PCDHA1: variants seen among roughly 807,000 people sequenced by gnomAD.
The protein encoded by PCDHA1 is protocadherin alpha 1, also known as protocadherin alpha-1.
PCDHA1 carries 42 observed loss-of-function variants against 61.3 expected under a neutral mutation model. That is an observed-to-expected ratio of 0.69 (90% CI 0.54 to 0.89). The LOEUF (loss-of-function observed/expected upper bound fraction) is 0.89, where lower values mean the gene tolerates loss of function less well. Among genes scored for constraint, PCDHA1 ranks in the 40% least tolerant of loss-of-function variants. The pLI, the probability that PCDHA1 is intolerant of heterozygous loss-of-function variation, is 0.00. For synonymous variants in PCDHA1, 610 were observed against 553.8 expected (o/e 1.10, Z -1.43); for missense variants, 1,256 against 1,235.3 (o/e 1.02, Z -0.25).
intron 1 of PCDHA1, chr5:140,823,428 G>A (rs1428807001): frequency 1.2e-6 from 2 of 1,613,204 alleles, no homozygotes; most frequent in East Asian, 2.2e-5. Flanking sequence ...TGACGCTGCA[G>A]GTGTTCGTGC....
At chr5:140,843,925 C>A in intron 1 of PCDHA1, 1 of 594,474 alleles carries the variant, frequency 1.7e-6, no homozygotes, top group Non-Finnish European at 2.9e-6. Flanking sequence ...TCTTGAAACT[C>A]AAGTTATGGT....
At chr5:140,877,535 A>T in intron 1 of PCDHA1, 1 of 1,613,750 alleles carries the variant, frequency 6.2e-7, no homozygotes, top group Admixed American at 1.7e-5. Flanking sequence ...GGCGCTGTGG[A>T]TCCCGAAGCG....
At chr5:140,934,988 C>A (rs901740982) in intron 1 of PCDHA1, among the ~76,000 whole-genome samples, 5 of 152,154 alleles carry the variant, frequency 3.3e-5, no homozygotes, top group Non-Finnish European at 7.4e-5. Context: ...AGTGATAACA[C>A]CCTGAATCCT....
At chr5:140,807,440 T>C (rs1325948776) in intron 1 of PCDHA1, 2 of 1,602,736 alleles carry the variant, frequency 1.2e-6, no homozygotes, top group African/African-American at 2.8e-5. Flanking sequence ...TGGCATTTTG[T>C]TTGTGAATTC....
chr5:140,899,675 C>T lies in PCDHA1; in HGVS notation c.2395-79274C>T, dbSNP rs569711192. On this transcript the variant is annotated intron_variant, in intron 1 of 3. Coordinates refer to ENST00000504120, the MANE Select transcript of PCDHA1 (RefSeq NM_018900.4). The stretch of plus-strand genomic sequence containing the variant: ...TTGTGTCTCTGCCCGGCTTTGGTAT[C>T]AGGATGATGCTGGCCTCATAAAATG... Among the ~76,000 whole-genome samples the T allele has an allele frequency of 4.6e-3, 702 of 152,296 alleles. 3 individuals are homozygous for T. The highest frequency in any genetic ancestry group is 0.016 in the African/African-American group (679 of 41,556).
Position 140,853,699 on chromosome 5 carries a change from C to T in PCDHA1, c.2394+65015C>T. 5.1e-6 allele frequency: 5 copies of T among 984,902 alleles called. 1 individual carries two copies. Among genetic ancestry groups the T allele is most frequent in the Non-Finnish European group, 6.1e-6 (5 of 817,068 alleles). The allele number at this position is 984,902 out of a possible 1,614,324, so 61.0% of individuals were successfully genotyped here. On this transcript the variant is annotated intron_variant, in intron 1 of 3. Transcript: ENST00000504120. Reference sequence around the variant, plus strand: ...GTCAACCTATCCTTAGACCTGCTAACGCATTAGCATTAGCAGCACCTAAGT... The same window carrying T: ...GTCAACCTATCCTTAGACCTGCTAATGCATTAGCATTAGCAGCACCTAAGT...
In PCDHA1 at chr5:140,903,563, T is replaced by C. The variant is rs1459855021; in HGVS notation, c.2395-75386T>C. ...CAAGAAACTTTTCTAATAAGTGGAA[T>C]TGGGAGCTGTCTAGCTGGTGTTGGC... On this transcript the variant is annotated intron_variant, in intron 1 of 3. Transcript: ENST00000504120. Among the ~76,000 whole-genome samples the C allele has an allele frequency of 2.6e-5, 4 of 152,208 alleles. No individual in the cohort carries two copies. In the East Asian group the frequency reaches 5.8e-4, roughly 22 times the overall value.
At chr5:140,814,103 A>C (rs1765435463) in intron 1 of PCDHA1, 1 of 153,702 alleles carries the variant, frequency 6.5e-6, no homozygotes, top group Non-Finnish European at 1.4e-5. Context: ...AATAACGCTT[A>C]GCTTAAAACA....
intron 1 of PCDHA1, chr5:140,797,592 T>G: frequency 3.5e-6 from 2 of 571,632 alleles, no homozygotes; most frequent in South Asian, 5.0e-5. Flanking sequence ...TCATAAGTAA[T>G]AGACCATGAA....
intron 1 of PCDHA1, chr5:140,877,781 T>C: frequency 6.2e-7 from 1 of 1,614,178 alleles, no homozygotes; most frequent in South Asian, 1.1e-5. Flanking sequence ...ACGGACCTCA[T>C]GGCCTTCAGC....
intron 1 of PCDHA1, among the ~76,000 whole-genome samples, chr5:140,922,186 G>A (rs2080700999): frequency 6.6e-6 from 1 of 151,230 alleles, no homozygotes; most frequent in South Asian, 2.1e-4. Context: ...CAAAAAAAAA[G>A]TCTTATCTTT....
At chr5:140,968,592 C>G (rs1554230905) in intron 1 of PCDHA1, 1 of 1,614,208 alleles carries the variant, frequency 6.2e-7, no homozygotes, top group African/African-American at 1.3e-5. Flanking sequence ...AAAGTCATAG[C>G]TATGGACTCA....
rs1045998593 is a variant in PCDHA1, at chr5:140,838,449, A to G, written c.2394+49765A>G. On this transcript the variant is annotated intron_variant, in intron 1 of 3. Coordinates refer to ENST00000504120, the MANE Select transcript of PCDHA1 (RefSeq NM_018900.4). ...TAAATTATATATTGGGTTTTGTGGC[A>G]TATTATTTCATTAGCGCTTATTCCT... 3.3e-5 allele frequency among the ~76,000 whole-genome samples: 5 copies of G among 151,718 alleles called. No individual in the cohort carries two copies. The East Asian group carries it at 9.7e-4, about 29-fold the overall frequency.
At chr5:140,853,130 C>T in intron 1 of PCDHA1, 1 of 617,250 alleles carries the variant, frequency 1.6e-6, no homozygotes, top group Non-Finnish European at 2.1e-6. Context: ...CCTCCCGCCT[C>T]AGCCTCCCAA....
intron 1 of PCDHA1, among the ~76,000 whole-genome samples, chr5:140,909,761 TC>T (rs1308608657): frequency 1.3e-5 from 2 of 152,052 alleles, no homozygotes; most frequent in Admixed American, 6.5e-5. Context: ...ACAGGATGAG[TC>T]CAGGGACCCA....
chr5:140,795,198 T>G (rs1461461674), intron 1 of PCDHA1: 1 of 1,614,114 alleles, frequency 6.2e-7, no homozygotes, highest in East Asian at 2.2e-5. Flanking sequence ...TGGAGGTAAA[T>G]CTGCAGAATG....
intron 1 of PCDHA1, among the ~76,000 whole-genome samples, chr5:140,933,209 G>GTC (rs140472192): frequency 0.32 from 48,939 of 151,636 alleles, 8,153 homozygotes; most frequent in East Asian, 0.53. Flanking sequence ...TAAATTACAT[G>GTC]TCTGTTATAT....
intron 1 of PCDHA1, chr5:140,805,744 C>A: frequency 3.7e-6 from 1 of 270,942 alleles, no homozygotes; most frequent in Non-Finnish European, 5.7e-6. Flanking sequence ...CAACATTGAA[C>A]TTGAAATACA....
At chr5:140,937,718 C>T (rs538350541) in intron 1 of PCDHA1, among the ~76,000 whole-genome samples, 1 of 152,076 alleles carries the variant, frequency 6.6e-6, no homozygotes, top group South Asian at 2.1e-4. Context: ...CAAGACCATC[C>T]TGGCTAACAC....
Sources: allele counts gnomAD v4.1 joint callset (sites outside exome capture counted in the v4.1 genomes callset), GRCh38; gene constraint gnomAD v4.1.1; transcripts MANE v1.5; gene names NCBI Gene and HGNC (gene_info 2026-07-23, HGNC 2026-07-21).